Variants in NCAM2 observed in about 807,000 individuals in gnomAD.
The protein encoded by NCAM2 is N-CAM-2.
In NCAM2, 30 loss-of-function variants were observed where a neutral mutation model predicts 98.1. The ratio of observed to expected loss-of-function variants is 0.31; its 90% CI spans 0.23 to 0.41. The LOEUF is 0.41. Ranked by LOEUF, NCAM2 falls within the 10% of genes least tolerant of loss-of-function variation. The probability of loss-of-function intolerance (pLI) is 1.00; values close to 1 mark genes in which losing one functional copy is unlikely to be tolerated. For missense variants in NCAM2, 867 were observed against 1,005.8 expected (o/e 0.86, Z 1.87); for synonymous variants, 368 against 342.4 (o/e 1.07, Z -0.83).
Position 21,540,445 on chromosome 21 carries a change from G to T in NCAM2, c.*2488G>T, listed in dbSNP as rs1990188420. On this transcript the variant is annotated 3_prime_UTR_variant, in exon 18 of 18. Transcript: ENST00000400546. ...CTTACCTCTTGTCCTTGAAATCCATGCCATGCTGAAGCAAGGCAATACTGT... is the reference window on the plus strand; with the variant it reads ...CTTACCTCTTGTCCTTGAAATCCATTCCATGCTGAAGCAAGGCAATACTGT... 6.6e-6 allele frequency: 1 copy of T among 151,636 alleles called. No individual in the cohort carries two copies. Among genetic ancestry groups the T allele is most frequent in the South Asian group, 2.1e-4 (1 of 4,818 alleles). The allele number at this position is 151,636 out of a possible 1,614,324, so 9.4% of individuals were successfully genotyped here.
chr21:21,507,478 AT>A lies in NCAM2; in HGVS notation c.2078-1372del, dbSNP rs531658976. 6.8e-4 allele frequency among the ~76,000 whole-genome samples: 104 copies of A among 152,220 alleles called. 1 individual carries two copies. The highest frequency in any genetic ancestry group is 2.3e-3 in the African/African-American group (97 of 41,562). On this transcript the variant is annotated intron_variant, in intron 15 of 17. Transcript: ENST00000400546. ...GAACATGCAGTTATTATGCTGAGTAATAAATGCATTTTGTCATTAAAAAGAC... is the reference window on the plus strand; with the variant it reads ...GAACATGCAGTTATTATGCTGAGTAAAAATGCATTTTGTCATTAAAAAGAC...
chr21:21,290,542 A>G (rs981055124), intron 4 of NCAM2, among the ~76,000 whole-genome samples: 7 of 151,890 alleles, frequency 4.6e-5, no homozygotes, highest in Non-Finnish European at 1.0e-4. Flanking sequence ...AAGAATCTGA[A>G]TAAACATTTT....
At chr21:21,222,178 TATTA>T (rs2070196993) in intron 1 of NCAM2, among the ~76,000 whole-genome samples, 1 of 152,132 alleles carries the variant, frequency 6.6e-6, no homozygotes. Context: ...TATTACTGAT[TATTA>T]ATTGACAGTG....
At chr21:21,353,262 A>G (rs2147951761) in intron 8 of NCAM2, among the ~76,000 whole-genome samples, 1 of 152,326 alleles carries the variant, frequency 6.6e-6, no homozygotes, top group Middle Eastern at 3.4e-3. Context: ...TTATGATGGA[A>G]TACCATCTAA....
intron 16 of NCAM2, among the ~76,000 whole-genome samples, chr21:21,521,329 A>C (rs1204485875): frequency 6.6e-6 from 1 of 152,064 alleles, no homozygotes; most frequent in Non-Finnish European, 1.5e-5. Flanking sequence ...CAAATTACTA[A>C]AGGCCTATTG....
chr21:21,148,998 T>G (rs2067369041), intron 1 of NCAM2, among the ~76,000 whole-genome samples: 1 of 152,164 alleles, frequency 6.6e-6, no homozygotes, highest in African/African-American at 2.4e-5. Context: ...ATTTAATGAT[T>G]ATAGGACCTT....
chr21:21,093,550 A>G (rs1366663965), intron 1 of NCAM2, among the ~76,000 whole-genome samples: 5 of 151,956 alleles, frequency 3.3e-5, no homozygotes, highest in South Asian at 2.1e-4. Context: ...ACCATTCACT[A>G]TTTTTCCATC....
intron 15 of NCAM2, among the ~76,000 whole-genome samples, chr21:21,497,742 G>T (rs2826865): frequency 0.24 from 36,774 of 151,966 alleles, 4,516 homozygotes; most frequent in South Asian, 0.31. Flanking sequence ...TCTGGGAAAA[G>T]AAATTCGGTA....
At chr21:21,210,962 CCCCAAACA>C (rs1286804931) in intron 1 of NCAM2, among the ~76,000 whole-genome samples, 2 of 119,694 alleles carry the variant, frequency 1.7e-5, no homozygotes, top group African/African-American at 7.5e-5. Context: ...CTAATACTCT[CCCCAAACA>C]CACACACACA....
intron 1 of NCAM2, among the ~76,000 whole-genome samples, chr21:21,100,351 GT>G (rs1358529201): frequency 6.6e-6 from 1 of 151,924 alleles, no homozygotes. Context: ...ATGAATGTCA[GT>G]GGAGGCCAAC....
chr21:21,461,887 G>A (rs1983025589), intron 12 of NCAM2, among the ~76,000 whole-genome samples: 1 of 151,966 alleles, frequency 6.6e-6, no homozygotes, highest in South Asian at 2.1e-4. Context: ...AATTCCCTCT[G>A]AAGTCATTCG....
chr21:21,530,523 A>G (rs553014250), intron 16 of NCAM2, among the ~76,000 whole-genome samples: 289 of 150,902 alleles, frequency 1.9e-3, no homozygotes, highest in African/African-American at 6.7e-3. Context: ...CATGTGGTCT[A>G]TAGTTTGTAA....
At chr21:21,228,041 T>C (rs2070460267) in intron 1 of NCAM2, among the ~76,000 whole-genome samples, 1 of 151,636 alleles carries the variant, frequency 6.6e-6, no homozygotes, top group Non-Finnish European at 1.5e-5. Flanking sequence ...GAGTGGAACA[T>C]ACAACCCATG....
intron 1 of NCAM2, among the ~76,000 whole-genome samples, chr21:21,234,933 C>T (rs2147204170): frequency 6.6e-6 from 1 of 152,100 alleles, no homozygotes. Context: ...TATTTTAATT[C>T]CATCTTGTAC....
chr21:21,360,353 C>T (rs1192275958), intron 8 of NCAM2, among the ~76,000 whole-genome samples: 1 of 151,914 alleles, frequency 6.6e-6, no homozygotes, highest in Non-Finnish European at 1.5e-5. Context: ...AGGTAAGAAT[C>T]TTTCTTCGCT....
rs577122962 is a variant in NCAM2 at position 20,998,458 on chromosome 21, A to T, written c.-106A>T. ...CTGCGGGCGGCTGGGGCACCGCGGGAGCGGCGGCGGCGGCTCTAGCAGAGG... is the reference window on the plus strand; with the variant it reads ...CTGCGGGCGGCTGGGGCACCGCGGGTGCGGCGGCGGCGGCTCTAGCAGAGG... On this transcript the variant is annotated 5_prime_UTR_variant, in exon 1 of 18. Transcript: ENST00000400546. The T allele has an allele frequency of 8.1e-6, 9 of 1,108,308 alleles. No individual in the cohort carries two copies. In the African/African-American group the frequency reaches 1.1e-4, roughly 14 times the overall value. The allele number at this position is 1,108,308 out of a possible 1,614,324, so 68.7% of individuals were successfully genotyped here.
intron 1 of NCAM2, among the ~76,000 whole-genome samples, chr21:21,038,565 C>G (rs1362116555): frequency 1.3e-5 from 2 of 152,150 alleles, no homozygotes; most frequent in African/African-American, 4.8e-5. Context: ...CCTTAATCCC[C>G]TTTTGCTCAG....
At chr21:21,156,889 G>A (rs957422126) in intron 1 of NCAM2, among the ~76,000 whole-genome samples, 8 of 152,006 alleles carry the variant, frequency 5.3e-5, no homozygotes, top group African/African-American at 1.7e-4. Context: ...TTCTAATAAA[G>A]GCTTAATATC....
intron 1 of NCAM2, among the ~76,000 whole-genome samples, chr21:21,145,731 T>C (rs758841283): frequency 1.3e-5 from 2 of 152,192 alleles, no homozygotes; most frequent in Non-Finnish European, 2.9e-5. Flanking sequence ...AGAAGAGATT[T>C]AGAATACCCA....
Sources: gnomAD v4.1 joint callset for allele counts (sites outside exome capture counted in the v4.1 genomes callset) on GRCh38, gnomAD v4.1.1 for gene constraint, MANE v1.5 for transcripts, NCBI Gene and HGNC (gene_info 2026-07-23, HGNC 2026-07-21) for gene names.